Variants in TMTC4 observed in about 807,000 individuals in gnomAD.
TMTC4 encodes the protein protein O-mannosyl-transferase TMTC4.
In TMTC4, 65 loss-of-function variants were observed where a neutral mutation model predicts 86.0. The ratio of observed to expected loss-of-function variants is 0.76; its 90% CI spans 0.62 to 0.93. The LOEUF is 0.93. Ranked by LOEUF, TMTC4 falls within the 40% of genes least tolerant of loss-of-function variation. The pLI is 0.00. For missense variants in TMTC4, 866 were observed against 948.1 expected, an observed-to-expected ratio of 0.91 and a Z score of 1.14; for synonymous variants, 379 against 382.5, an observed-to-expected ratio of 0.99 and a Z score of 0.11.
chr13:100,641,515 T>G (rs1182686408), intron 7 of TMTC4, among the ~76,000 whole-genome samples: 4 of 151,974 alleles, frequency 2.6e-5, no homozygotes, highest in Non-Finnish European at 5.9e-5. Context: ...GAGATGTAGT[T>G]TTGCTGTTGT....
intron 1 of TMTC4, 88 bp downstream of exon 1, chr13:100,674,656 C>T: frequency 2.0e-6 from 2 of 982,928 alleles, no homozygotes; most frequent in Non-Finnish European, 2.4e-6. Flanking sequence ...CGGGACACGG[C>T]GGCAGCGGGG....
chr13:100,607,213 G>A (rs1007788942), intron 17 of TMTC4, among the ~76,000 whole-genome samples: 1 of 152,160 alleles, frequency 6.6e-6, no homozygotes, highest in Non-Finnish European at 1.5e-5. Context: ...CTTAAGGGGA[G>A]CATGCTTTCA....
chr13:100,632,447 C>G (rs1053581895), intron 12 of TMTC4, among the ~76,000 whole-genome samples: 1 of 152,072 alleles, frequency 6.6e-6, no homozygotes, highest in Non-Finnish European at 1.5e-5. Context: ...AGGAACTCCA[C>G]ACATAGAAGG....
intron 6 of TMTC4, among the ~76,000 whole-genome samples, chr13:100,649,077 A>T (rs1029109045): frequency 2.6e-5 from 4 of 152,168 alleles, no homozygotes; most frequent in Non-Finnish European, 4.4e-5. Flanking sequence ...TTAATTTAAT[A>T]TTTTAAAACC....
At chr13:100,608,710 G>A (rs888379655) in intron 17 of TMTC4, among the ~76,000 whole-genome samples, 1 of 152,160 alleles carries the variant, frequency 6.6e-6, no homozygotes, top group African/African-American at 2.4e-5. Context: ...TTTATAAATT[G>A]ATCTTCTGTG....
Position 100,637,693 on chromosome 13 carries a change from T to C in TMTC4, c.844A>G (p.Met282Val), listed in dbSNP as rs1882451255. Reference protein sequence around the residue: ...HKDKSLENLGMLRNGGLLFRM... With the variant: ...HKDKSLENLGVLRNGGLLFRM... ...AAGAGGAGGCCCCCGTTCCTGAGCATGCCGAGATTCTGCAAGGACATCGCA... is the reference window on the plus strand; with the variant it reads ...AAGAGGAGGCCCCCGTTCCTGAGCACGCCGAGATTCTGCAAGGACATCGCA... Residue 282 changes from methionine to valine, a missense_variant, in exon 9 of 19, where the codon ATG (methionine) becomes GTG (valine). By Grantham distance (21) the Met-to-Val change is conservative. Transcript: ENST00000342624. 6.2e-7 allele frequency: 1 copy of C among 1,613,686 alleles called. No individual in the cohort carries two copies. Among genetic ancestry groups the C allele is most frequent in the African/African-American group, 1.3e-5 (1 of 74,914 alleles).
intron 12 of TMTC4, among the ~76,000 whole-genome samples, chr13:100,631,182 G>A (rs1455162089): frequency 6.6e-6 from 1 of 152,196 alleles, no homozygotes; most frequent in Non-Finnish European, 1.5e-5. Context: ...TAGCACAGAA[G>A]TCGAAGATAA....
At chr13:100,621,026 A>C (rs1879391159) in intron 15 of TMTC4, among the ~76,000 whole-genome samples, 1 of 152,232 alleles carries the variant, frequency 6.6e-6, no homozygotes, top group African/African-American at 2.4e-5. Flanking sequence ...GGCGGAATGG[A>C]ATACAGGAAG....
In TMTC4 at chr13:100,645,840, G is replaced by C. The variant is rs983349400; in HGVS notation, c.641-3529C>G. 5.9e-5 allele frequency among the ~76,000 whole-genome samples: 9 copies of C among 152,116 alleles called. No homozygotes were observed. The East Asian group carries it at 1.7e-3, about 29-fold the overall frequency. On this transcript the variant is annotated intron_variant, in intron 6 of 18. Transcript: ENST00000342624. ...ATGTGGGCTACTTACTTTTTTTGGA[G>C]GGGGGTTGCCCTGTGAATCACAGAA...
intron 6 of TMTC4, among the ~76,000 whole-genome samples, chr13:100,645,075 G>A (rs1883544123): frequency 6.6e-6 from 1 of 152,186 alleles, no homozygotes; most frequent in African/African-American, 2.4e-5. Context: ...GCCTCCCAAA[G>A]TGCTGGGATT....
At chr13:100,639,859 G>C (rs1882783244) in intron 7 of TMTC4, among the ~76,000 whole-genome samples, 1 of 152,138 alleles carries the variant, frequency 6.6e-6, no homozygotes, top group South Asian at 2.1e-4. Flanking sequence ...AGAATTGCTT[G>C]AACCTGGGAG....
chr13:100,624,243 G>C (rs1034667779), intron 15 of TMTC4: 1 of 152,496 alleles, frequency 6.6e-6, no homozygotes, highest in African/African-American at 2.4e-5. Flanking sequence ...GAAGAACGGC[G>C]TGAACCCGGG....
At chr13:100,612,623 C>G in intron 16 of TMTC4, 113 bp from the exon 17 acceptor site, 1 of 630,786 alleles carries the variant, frequency 1.6e-6, no homozygotes. Flanking sequence ...TATGAATAAA[C>G]TACTTAAGAA....
intron 6 of TMTC4, among the ~76,000 whole-genome samples, chr13:100,655,201 T>C (rs1214564999): frequency 1.3e-5 from 2 of 152,010 alleles, no homozygotes; most frequent in Non-Finnish European, 2.9e-5. Flanking sequence ...TTTGTACTTT[T>C]AGTAGAGATG....
intron 5 of TMTC4, among the ~76,000 whole-genome samples, chr13:100,659,737 C>T (rs1341755690): frequency 6.6e-6 from 1 of 151,062 alleles, no homozygotes; most frequent in Non-Finnish European, 1.5e-5. Context: ...AAAACAGAGA[C>T]ATTCCATGAG....
At chr13:100,608,065 A>G (rs1177068154) in intron 17 of TMTC4, among the ~76,000 whole-genome samples, 1 of 152,254 alleles carries the variant, frequency 6.6e-6, no homozygotes, top group Non-Finnish European at 1.5e-5. Context: ...CCAGGGAACC[A>G]CATCTACTTA....
At chr13:100,671,191 G>A (rs535752119) in intron 1 of TMTC4, among the ~76,000 whole-genome samples, 36 of 152,258 alleles carry the variant, frequency 2.4e-4, no homozygotes, top group African/African-American at 5.5e-4. Flanking sequence ...TGGAGATGGC[G>A]TCTTGCTATG....
intron 15 of TMTC4, among the ~76,000 whole-genome samples, chr13:100,618,288 T>G (rs944465543): frequency 1.3e-5 from 2 of 152,154 alleles, no homozygotes; most frequent in Admixed American, 6.5e-5. Context: ...TGAAGAGAGA[T>G]AGCTTGACTT....
At chr13:100,656,541 A>AATTTTTTTTT in intron 5 of TMTC4, 73 bp from the exon 6 acceptor site, 3 of 462,944 alleles carry the variant, frequency 6.5e-6, no homozygotes, top group East Asian at 6.3e-5. Context: ...AGGAGACATA[A>AATTTTTTTTT]CTTTTTTTTT....
Sources: gnomAD v4.1 joint callset for allele counts (sites outside exome capture counted in the v4.1 genomes callset) on GRCh38, gnomAD v4.1.1 for gene constraint, MANE v1.5 for transcripts, NCBI Gene and HGNC (gene_info 2026-07-23, HGNC 2026-07-21) for gene names.